Variants in BAIAP3 observed in about 807,000 individuals in gnomAD.
BAIAP3 encodes BAI1 associated protein 3.
A neutral mutation model predicts 149.7 loss-of-function variants in BAIAP3; 180 were observed. The observed-to-expected ratio is 1.20, with a 90% CI of 1.07 to 1.36. BAIAP3 has a LOEUF of 1.36. Among genes scored for constraint, BAIAP3 ranks in the 40% most tolerant of loss-of-function variants. The pLI, the probability that BAIAP3 is intolerant of heterozygous loss-of-function variation, is 0.00. For missense variants in BAIAP3, 1,767 were observed against 1,563.4 expected, an observed-to-expected ratio of 1.13 and a Z score of -2.20; for synonymous variants, 845 against 670.7, an observed-to-expected ratio of 1.26 and a Z score of -4.02.
chr16:1,345,502 A>G, intron 22 of BAIAP3, 130 bp downstream of exon 22: 1 of 818,922 alleles, frequency 1.2e-6, no homozygotes, highest in Non-Finnish European at 1.5e-6. Context: ...CCTCAACCCC[A>G]GCCTCCCCGG....
At chr16:1,347,437 C>A (rs559896763) in intron 29 of BAIAP3, 68 bp downstream of exon 29, 2 of 1,591,070 alleles carry the variant, frequency 1.3e-6, no homozygotes, top group East Asian at 2.3e-5. Context: ...CAGCCCCACA[C>A]GGGCTGTGTC....
At position 1,341,239 on chromosome 16, in the gene BAIAP3, G is replaced by A. The variant is rs576384264; in HGVS notation, c.535+44G>A. ...GACCTCGGCTGCGCCGAGGCCTGGC[G>A]GCCATGGAGGGCCAGAGGGCGTGGG... On this transcript the variant is annotated intron_variant, in intron 7 of 33. Transcript: ENST00000426824. 1.3e-4 allele frequency: 206 copies of A among 1,606,042 alleles called. 1 individual carries two copies. In the South Asian group the frequency reaches 1.6e-3, roughly 13 times the overall value.
chr16:1,341,720 C>T lies in BAIAP3; in HGVS notation c.732-102C>T, dbSNP rs139375461. On this transcript the variant is annotated intron_variant, in intron 8 of 33. Transcript: ENST00000426824. ...GGACCTGAACAGCCTGTCTGGAGAG[C>T]GGGTGCTTGTGGCCTGGTCCCTGCT... The T allele has an allele frequency of 1.1e-3, 1,437 of 1,315,736 alleles. 14 individuals are homozygous for T. The African/African-American group carries it at 0.019, about 17-fold the overall frequency. 81.5% of individuals were successfully genotyped at this position (1,315,736 alleles called of 1,614,324 possible).
chr16:1,344,259 C>T lies in BAIAP3; in HGVS notation c.1544C>T (p.Ser515Phe), dbSNP rs143450837. 4 of 1,613,796 alleles carry T rather than the reference C, an allele frequency of 2.5e-6. No individual in the cohort carries two copies. The highest frequency in any genetic ancestry group is 1.1e-5 in the South Asian group (1 of 91,086). ...CLGKLQLFQP[S>F]FEICPFESEL... The stretch of plus-strand genomic sequence containing the variant: ...GGCAAGCTGCAGCTCTTCCAACCCT[C>T]CTTTGAGATCTGCCCCTTCGAGTCG... The change falls in exon 17 of 34, where the codon TCC becomes TTC. Residue 515 changes from serine to phenylalanine, a missense_variant. By Grantham distance (155) the Ser-to-Phe change is radical. Transcript: ENST00000426824.
rs2033897370 is a variant in BAIAP3, at chr16:1,341,176, T to C, written c.516T>C (p.Leu172=). The change falls in exon 7 of 34, where the codon CTT becomes CTC. Residue 172 remains leucine, a synonymous_variant. Transcript: ENST00000426824. ...TCTCTGTCATGCGTGCCAAGAACCT[T>C]CTGGCCAAGGACCCCAACGGTGAGT... ...LKVSVMRAKN[L]LAKDPNGFSD... is the part of the protein sequence containing the mutation. The C allele has an allele frequency of 6.2e-7, 1 of 1,612,614 alleles. No individual in the cohort carries two copies. Among genetic ancestry groups the C allele is most frequent in the African/African-American group, 1.3e-5 (1 of 74,936 alleles).
intron 1 of BAIAP3, among the ~76,000 whole-genome samples, chr16:1,336,868 A>AGGTGGATGAGGGAGCACTG (rs1257324988): frequency 6.6e-6 from 1 of 152,168 alleles, no homozygotes; most frequent in African/African-American, 2.4e-5. Flanking sequence ...CACCCTCCGC[A>AGGTGGATGAGGGAGCACTG]GGTGGATGAG....
chr16:1,345,842 G>C lies in BAIAP3; in HGVS notation c.2160G>C (p.Ala720=). The C allele has an allele frequency of 6.3e-7, 1 of 1,579,572 alleles. No individual in the cohort carries two copies. Among genetic ancestry groups the C allele is most frequent in the Non-Finnish European group, 8.6e-7 (1 of 1,164,892 alleles). The change falls in exon 23 of 34, where the codon GCG becomes GCC. Residue 720 remains alanine, a synonymous_variant. Coordinates refer to ENST00000426824, the MANE Select transcript of BAIAP3 (RefSeq NM_001199097.2). Reference sequence around the variant, plus strand: ...TCCAGGAGTTGTGGGTGCGCCTGGCGTGGCCTGACCCTGCCCAGGCTCAGG... The same window carrying C: ...TCCAGGAGTTGTGGGTGCGCCTGGCCTGGCCTGACCCTGCCCAGGCTCAGG... ...SHIQELWVRL[A]WPDPAQAQGL...
At chr16:1,334,505 G>T (rs916106838) in intron 1 of BAIAP3, 16 of 647,658 alleles carry the variant, frequency 2.5e-5, no homozygotes, top group Non-Finnish European at 4.1e-5. Flanking sequence ...GCGCTGCGCA[G>T]ACACGGGCGA....
At chr16:1,343,735 G>A (rs1164381255) in intron 15 of BAIAP3, among the ~76,000 whole-genome samples, 1 of 152,268 alleles carries the variant, frequency 6.6e-6, no homozygotes, top group Non-Finnish European at 1.5e-5. Context: ...ACAGGGCTGG[G>A]GAAAGCCGCC....
intron 15 of BAIAP3, 50 bp downstream of exon 15, chr16:1,343,563 G>T: frequency 6.3e-7 from 1 of 1,594,704 alleles, no homozygotes; most frequent in Non-Finnish European, 8.5e-7. Context: ...GGAGTGCTGG[G>T]GACTGGGGTC....
Position 1,341,372 on chromosome 16 carries a change from A to T in BAIAP3, c.614A>T (p.Gln205Leu). 1 of 1,612,526 alleles carries T rather than the reference A, an allele frequency of 6.2e-7. No homozygotes were observed. The highest frequency in any genetic ancestry group is 8.5e-7 in the Non-Finnish European group (1 of 1,179,888). ...ATREPRAQKE[Q>L]RFGFRKGSKR... is the part of the protein sequence containing the mutation. ...CGGGAGCCCCGTGCACAGAAGGAGC[A>T]GCGCTTCGGCTTCCGCAAGGGCAGC... is the stretch of plus-strand genomic sequence containing the variant. The change falls in exon 8 of 34, where the codon CAG (glutamine) becomes CTG (leucine). Residue 205 changes from glutamine to leucine, a missense_variant. Transcript: ENST00000426824.
chr16:1,348,643 G>T lies in BAIAP3; in HGVS notation c.*161G>T. 1.4e-6 allele frequency: 1 copy of T among 706,512 alleles called. No homozygotes were observed. Among genetic ancestry groups the T allele is most frequent in the Non-Finnish European group, 2.4e-6 (1 of 418,900 alleles). 43.8% of individuals were successfully genotyped at this position (706,512 alleles called of 1,614,324 possible). A position where few individuals can be genotyped will look rare whatever the true frequency, so the allele number is the denominator to read the frequency against. ...CCCCGCGGCGCCTACCGCCCTGGCC[G>T]TGTCTGTCTGGTGTGTGCTGTGAAC... On this transcript the variant is annotated 3_prime_UTR_variant, in exon 34 of 34. Transcript: ENST00000426824.
intron 1 of BAIAP3, chr16:1,336,085 C>A: frequency 2.6e-6 from 1 of 388,870 alleles, no homozygotes; most frequent in Non-Finnish European, 3.5e-6. Flanking sequence ...GCAGTTCAGG[C>A]CACTTGGCTC....
At chr16:1,338,703 C>T (rs949869964) in intron 2 of BAIAP3, 23 bp downstream of exon 2, 4 of 1,564,292 alleles carry the variant, frequency 2.6e-6, no homozygotes, top group Non-Finnish European at 3.5e-6. Flanking sequence ...GGGCCCAGCC[C>T]CACACGCCCA....
Position 1,347,690 on chromosome 16 carries a change from C to T in BAIAP3, c.2905-11C>T, listed in dbSNP as rs988636820. ...CCCAGAGCCCAGCTGCGCTCACCCG[C>T]CTTTCCGCAGAGGACCCTGGAGCAG... On this transcript the variant is annotated splice_polypyrimidine_tract_variant and intron_variant, in intron 30 of 33. Transcript: ENST00000426824. The T allele has an allele frequency of 1.2e-6, 2 of 1,611,468 alleles. No individual in the cohort carries two copies. The highest frequency in any genetic ancestry group is 1.3e-5 in the African/African-American group (1 of 75,024).
chr16:1,340,224 A>AGG (rs2033815797), intron 5 of BAIAP3, among the ~76,000 whole-genome samples: 4 of 78,176 alleles, frequency 5.1e-5, no homozygotes, highest in Non-Finnish European at 7.6e-5. Context: ...ACACAGACAC[A>AGG]CACACAGGTT....
In BAIAP3 at chr16:1,346,965, TG is replaced by T. The variant is rs2034419068; in HGVS notation, c.2751+11del. 2 of 1,593,464 alleles carry T rather than the reference TG, an allele frequency of 1.3e-6. No homozygotes were observed. The highest frequency in any genetic ancestry group is 3.5e-5 in the Admixed American group (2 of 57,732). On this transcript the variant is annotated intron_variant, in intron 28 of 33. Coordinates refer to ENST00000426824, the MANE Select transcript of BAIAP3 (RefSeq NM_001199097.2). ...CCATTTCACGCTGGAGGTAGAGCTC[TG>T]TGAAGGAGTCCTCCCCGCCGGCCCC...
In BAIAP3 at chr16:1,338,664, C is replaced by G. The variant is rs1474026911; in HGVS notation, c.115C>G (p.Pro39Ala). The G allele has an allele frequency of 1.3e-6, 2 of 1,585,864 alleles. No homozygotes were observed. Among genetic ancestry groups the G allele is most frequent in the Non-Finnish European group, 1.7e-6 (2 of 1,167,868 alleles). Residue 39 changes from proline (P) to alanine (A), a missense_variant, in exon 2 of 34, where the codon CCT (proline) becomes GCT (alanine). Pro to Ala is a conservative substitution (Grantham distance 27). Transcript: ENST00000426824. ...GAGTGCCAGCGCCGACCCGCAGGAG[C>G]CTGCCACGGGGGCCTGGTGGGTGCC... ...PGSASADPQE[P>A]ATGAWKPGDG...
rs1219224078 is a variant in BAIAP3, at chr16:1,342,624, T to G, written c.1055T>G (p.Ile352Ser). 2 of 1,582,478 alleles carry G rather than the reference T, an allele frequency of 1.3e-6. No individual in the cohort carries two copies. The highest frequency in any genetic ancestry group is 3.6e-5 in the Admixed American group (2 of 54,906). The change falls in exon 12 of 34, where the codon ATC becomes AGC. Residue 352 changes from isoleucine (I) to serine (S), a missense_variant. By Grantham distance (142) the Ile-to-Ser change is moderately radical. Coordinates refer to ENST00000426824, the MANE Select transcript of BAIAP3 (RefSeq NM_001199097.2). ...QGHCHLVLKL[I>S]TTQRDTAMSQ... ...CACTGCCACCTGGTTCTCAAGCTGA[T>G]CACTACGCAGGTGGGGAAAGTGGGC...
Sources: allele counts gnomAD v4.1 joint callset (sites outside exome capture counted in the v4.1 genomes callset), GRCh38; gene constraint gnomAD v4.1.1; transcripts MANE v1.5; gene names NCBI Gene and HGNC (gene_info 2026-07-23, HGNC 2026-07-21).